Variants in FBN3 observed in about 807,000 individuals in gnomAD.
The protein encoded by FBN3 is fibrillin-3.
FBN3 carries 234 observed loss-of-function variants against 330.1 expected under a neutral mutation model. The ratio of observed to expected loss-of-function variants is 0.71; its 90% CI spans 0.64 to 0.79. FBN3 has a LOEUF of 0.79. Ranked by LOEUF, FBN3 falls within the 30% of genes least tolerant of loss-of-function variation. The pLI is 0.00. For missense variants in FBN3, 3,606 were observed against 3,886.9 expected, an observed-to-expected ratio of 0.93 and a Z score of 1.92; for synonymous variants, 1,458 against 1,517.3, an observed-to-expected ratio of 0.96 and a Z score of 0.91.
rs766722469 is a variant in FBN3 at position 8,147,435 on chromosome 19, G to A, written c.46C>T (p.Leu16Phe). Residue 16 changes from leucine to phenylalanine, a missense_variant, in exon 2 of 64, where the codon CTC (leucine) becomes TTC (phenylalanine). Coordinates refer to ENST00000600128, the MANE Select transcript of FBN3 (RefSeq NM_032447.5). The stretch of plus-strand genomic sequence containing the variant: ...AACAGGGCCGACCAGGCCAGCAGGA[G>A]CCGGGCCAGGGGGCCCCTTGCCAAA... ...LYLARGPLARLLLAWSALLCM... is the reference protein window; with the variant it reads ...LYLARGPLARFLLAWSALLCM... 2 of 1,576,740 alleles carry A rather than the reference G, an allele frequency of 1.3e-6. No homozygotes were observed. The highest frequency in any genetic ancestry group is 2.3e-5 in the East Asian group (1 of 43,780).
rs2082067052 is a variant in FBN3, at chr19:8,090,331, T to A, written c.6032-80A>T. On this transcript the variant is annotated intron_variant, in intron 48 of 63. Transcript: ENST00000600128. Reference sequence around the variant, plus strand: ...GCCCCTGTGACCTCCCGCACCCCAGTCCTGGTGAATGGGTTGTGCTGATCC... The same window carrying A: ...GCCCCTGTGACCTCCCGCACCCCAGACCTGGTGAATGGGTTGTGCTGATCC... The A allele has an allele frequency of 2.8e-5, 42 of 1,511,654 alleles. No homozygotes were observed. The South Asian group carries it at 4.7e-4, about 17-fold the overall frequency. 93.6% of individuals were successfully genotyped at this position (1,511,654 alleles called of 1,614,324 possible).
At chr19:8,117,829 C>A (rs1410959071) in intron 26 of FBN3, among the ~76,000 whole-genome samples, 1 of 151,936 alleles carries the variant, frequency 6.6e-6, no homozygotes, top group Non-Finnish European at 1.5e-5. Flanking sequence ...ACAAACACAC[C>A]CTGGCACCCA....
chr19:8,131,381 C>A lies in FBN3; in HGVS notation c.1991-93G>T. 2 of 1,516,352 alleles carry A rather than the reference C, an allele frequency of 1.3e-6. No homozygotes were observed. The highest frequency in any genetic ancestry group is 1.8e-6 in the Non-Finnish European group (2 of 1,104,780). 93.9% of individuals were successfully genotyped at this position (1,516,352 alleles called of 1,614,324 possible). ...AAGGATGAGGCCCTCTGGTCTTGGG[C>A]AAGAGTTTGGGACTAAGACACAACT... is the stretch of plus-strand genomic sequence containing the variant. On this transcript the variant is annotated intron_variant, in intron 15 of 63. Coordinates refer to ENST00000600128, the MANE Select transcript of FBN3 (RefSeq NM_032447.5). The surrounding 1 kb of genome is among the most constrained non-coding windows in gnomAD (Gnocchi z 4.5).
intron 40 of FBN3, among the ~76,000 whole-genome samples, chr19:8,102,289 A>C (rs1333659365): frequency 6.6e-6 from 1 of 151,264 alleles, no homozygotes; most frequent in Admixed American, 6.6e-5. Context: ...ATCGCGGCTC[A>C]CTGGAAACCC....
At chr19:8,110,762 T>A in intron 34 of FBN3, 83 bp downstream of exon 34, 1 of 1,561,840 alleles carries the variant, frequency 6.4e-7, no homozygotes, top group Non-Finnish European at 8.8e-7. Flanking sequence ...AAAAGAGATC[T>A]GAGGGCAGTG....
At chr19:8,116,557 T>A in intron 29 of FBN3, 117 bp downstream of exon 29, 2 of 1,081,686 alleles carry the variant, frequency 1.8e-6, no homozygotes, top group South Asian at 2.9e-5. Context: ...TACCTGCGAA[T>A]GGCAGGGGTG....
chr19:8,100,986 A>G lies in FBN3; in HGVS notation c.5090-14T>C. ...TCTGGTAGTCAGCTGCGCAAAGGGGAACAAAGCTGAGTCTGGGGCTGCAGG... is the reference window on the plus strand; with the variant it reads ...TCTGGTAGTCAGCTGCGCAAAGGGGGACAAAGCTGAGTCTGGGGCTGCAGG... On this transcript the variant is annotated splice_polypyrimidine_tract_variant and intron_variant, in intron 40 of 63. Transcript: ENST00000600128. The G allele has an allele frequency of 6.2e-7, 1 of 1,609,598 alleles. No individual in the cohort carries two copies. The highest frequency in any genetic ancestry group is 8.5e-7 in the Non-Finnish European group (1 of 1,176,890).
rs991829455 is a variant in FBN3 at position 8,121,001 on chromosome 19, T to A, written c.3211+257A>T. On this transcript the variant is annotated intron_variant, in intron 25 of 63. Coordinates refer to ENST00000600128, the MANE Select transcript of FBN3 (RefSeq NM_032447.5). The surrounding 1 kb of genome is among the most constrained non-coding windows in gnomAD (Gnocchi z 4.5). ...GGCTTCTCTGAGGGTCCCTGTCCTC[T>A]ACCCAAGCTACACACCCTCCCTGGG... Among the ~76,000 whole-genome samples, 11 of 152,142 alleles carry A rather than the reference T, an allele frequency of 7.2e-5. No individual in the cohort carries two copies. Among genetic ancestry groups the A allele is most frequent in the Non-Finnish European group, 1.3e-4 (9 of 68,016 alleles).
intron 20 of FBN3, 35 bp downstream of exon 20, chr19:8,126,433 C>T: frequency 6.2e-7 from 1 of 1,601,332 alleles, no homozygotes; most frequent in Non-Finnish European, 8.5e-7. Flanking sequence ...GGGCTTTTCC[C>T]ATGGGTGCCT....
intron 36 of FBN3, among the ~76,000 whole-genome samples, chr19:8,108,902 G>T (rs375148359): frequency 6.6e-6 from 1 of 152,158 alleles, no homozygotes; most frequent in East Asian, 1.9e-4. Context: ...GGGAGAAGCA[G>T]CGTGCAGAGG....
chr19:8,102,053 G>T (rs927669255), intron 40 of FBN3, among the ~76,000 whole-genome samples: 2 of 152,038 alleles, frequency 1.3e-5, no homozygotes, highest in Non-Finnish European at 2.9e-5. Flanking sequence ...AATAAATCTC[G>T]TGAGATCTGA....
intron 59 of FBN3, among the ~76,000 whole-genome samples, chr19:8,077,404 C>T (rs1413785359): frequency 6.6e-6 from 1 of 151,974 alleles, no homozygotes; most frequent in Non-Finnish European, 1.5e-5. Context: ...TTTGGGAGGC[C>T]GAGGCGGGCA....
chr19:8,146,285 C>T, intron 3 of FBN3, 60 bp from the exon 4 acceptor site: 1 of 1,429,798 alleles, frequency 7.0e-7, no homozygotes, highest in Non-Finnish European at 9.6e-7. Flanking sequence ...GTCCCTGCTC[C>T]ATTGGTGTCC....
chr19:8,147,075 C>T (rs767177759), intron 3 of FBN3, 29 bp downstream of exon 3: 5 of 1,537,482 alleles, frequency 3.3e-6, no homozygotes, highest in Admixed American at 3.9e-5. Flanking sequence ...GCCTGTGCCC[C>T]CCCACCTCCA....
chr19:8,078,816 C>CTG (rs1004403121), intron 59 of FBN3, among the ~76,000 whole-genome samples: 9 of 148,736 alleles, frequency 6.1e-5, no homozygotes, highest in African/African-American at 2.2e-4. Flanking sequence ...GAGTCTTGCT[C>CTG]TGTCCCCTAG....
At chr19:8,108,782 C>G (rs2082507119) in intron 36 of FBN3, among the ~76,000 whole-genome samples, 2 of 152,094 alleles carry the variant, frequency 1.3e-5, no homozygotes, top group African/African-American at 2.4e-5. Flanking sequence ...AAAGCCTTCC[C>G]CAGAGCTTTC....
intron 25 of FBN3, 38 bp from the exon 26 acceptor site, chr19:8,119,060 G>T: frequency 1.3e-6 from 2 of 1,571,790 alleles, no homozygotes; most frequent in Middle Eastern, 1.7e-4. Flanking sequence ...AGGCATGAAG[G>T]TGCTGATGCA....
intron 57 of FBN3, among the ~76,000 whole-genome samples, chr19:8,082,587 G>A (rs2081829183): frequency 6.6e-6 from 1 of 151,262 alleles, no homozygotes; most frequent in Admixed American, 6.6e-5. Flanking sequence ...TCCACTTCCT[G>A]GGTTCAAACG....
At chr19:8,123,232 T>C (rs2082894919) in intron 24 of FBN3, among the ~76,000 whole-genome samples, 1 of 151,820 alleles carries the variant, frequency 6.6e-6, no homozygotes. Flanking sequence ...CACATGCCTG[T>C]AATCCCAGCT....
Sources: allele counts gnomAD v4.1 joint callset (sites outside exome capture counted in the v4.1 genomes callset), GRCh38; gene constraint gnomAD v4.1.1; non-coding constraint Gnocchi (gnomAD v3.1); transcripts MANE v1.5; gene names NCBI Gene and HGNC (gene_info 2026-07-23, HGNC 2026-07-21).